The following NID2 variants were observed in gnomAD, a reference collection of about 807,000 sequenced individuals.
The protein encoded by NID2 is nidogen-2.
Under a neutral mutation model 145.4 loss-of-function variants are expected in NID2, and 83 were observed. The observed-to-expected ratio is 0.57, with a 90% CI of 0.48 to 0.69. The LOEUF (loss-of-function observed/expected upper bound fraction) is 0.69, where lower values mean the gene tolerates loss of function less well. Ranked by LOEUF, NID2 falls within the 30% of genes least tolerant of loss-of-function variation. NID2 has a pLI of 0.00. For missense variants in NID2, 1,807 were observed against 1,765.7 expected (o/e 1.02, Z -0.42); for synonymous variants, 739 against 701.3 (o/e 1.05, Z -0.85).
Position 52,014,336 on chromosome 14 carries a change from T to C in NID2, c.3371A>G (p.Asn1124Ser), listed in dbSNP as rs145451888. 4.1e-5 allele frequency: 66 copies of C among 1,614,076 alleles called. No individual in the cohort carries two copies. The African/African-American group carries it at 8.1e-4, about 20-fold the overall frequency. The change falls in exon 16 of 22, where the codon AAT becomes AGT. Residue 1124 changes from asparagine (N) to serine (S), a missense_variant. Transcript: ENST00000216286. ...QGQQIGYLPL[N>S]GTRLQKDAAK... ...TGCATCCTTCTGAAGCCTGGTGCCA[T>C]TGAGGGGTAAGTAGCCAATCTGCTG...
chr14:52,007,620 C>T (rs1890837254), intron 19 of NID2, 190 bp downstream of exon 19: 3 of 600,102 alleles, frequency 5.0e-6, no homozygotes, highest in Non-Finnish European at 8.8e-6. Context: ...TATATCCTTC[C>T]CTCCACCCAA....
At chr14:52,046,322 CAA>C (rs1555365268) in intron 5 of NID2, among the ~76,000 whole-genome samples, 7 of 31,988 alleles carry the variant, frequency 2.2e-4, no homozygotes, top group African/African-American at 7.2e-4. Flanking sequence ...GACTCCATCT[CAA>C]AAAAAAAAAA....
rs66551436 is a variant in NID2 at position 52,030,567 on chromosome 14, A to AGAAAGAAC, written c.2258-878_2258-877insGTTCTTTC. Among the ~76,000 whole-genome samples, 570 of 99,292 alleles carry AGAAAGAAC rather than the reference A, an allele frequency of 5.7e-3. 25 individuals carry two copies. The highest frequency in any genetic ancestry group is 0.019 in the African/African-American group (482 of 26,024). 65.1% of individuals were successfully genotyped at this position (99,292 alleles called of 152,430 possible). A position where few individuals can be genotyped will look rare whatever the true frequency, so the allele number is the denominator to read the frequency against. On this transcript the variant is annotated intron_variant, in intron 9 of 21. Transcript: ENST00000216286. ...AAGAAAGAAAGAAAGAAAGAAAGAA[A>AGAAAGAAC]GGAAGGAAGGGAAAGAAAGAAAGAA... is the stretch of plus-strand genomic sequence containing the variant.
chr14:52,022,655 T>C (rs1891443439), intron 12 of NID2, among the ~76,000 whole-genome samples: 1 of 152,188 alleles, frequency 6.6e-6, no homozygotes, highest in Non-Finnish European at 1.5e-5. Context: ...TAGCTTAATC[T>C]CAGTGCAATC....
chr14:52,051,423 A>G (rs1406318473), intron 5 of NID2, among the ~76,000 whole-genome samples: 2 of 152,212 alleles, frequency 1.3e-5, no homozygotes, highest in Non-Finnish European at 2.9e-5. Flanking sequence ...CCCAAACCAC[A>G]TAGCAGAGCT....
At chr14:52,008,214 C>T (rs1210725829) in intron 18 of NID2, 3 of 361,218 alleles carry the variant, frequency 8.3e-6, no homozygotes, top group East Asian at 5.0e-5. Context: ...CTCTTGCTCC[C>T]TTTGAGGGAA....
intron 2 of NID2, among the ~76,000 whole-genome samples, chr14:52,062,371 A>T (rs1371970449): frequency 1.3e-5 from 2 of 152,234 alleles, no homozygotes; most frequent in African/African-American, 4.8e-5. Context: ...CTTTTCCAAA[A>T]ACAAAAAGCA....
At chr14:52,017,877 G>A (rs1891270690) in intron 14 of NID2, among the ~76,000 whole-genome samples, 1 of 152,110 alleles carries the variant, frequency 6.6e-6, no homozygotes, top group African/African-American at 2.4e-5. Flanking sequence ...GGAGGGCAGT[G>A]GCATGATCTT....
rs1191682330 is a variant in NID2 at position 52,005,469 on chromosome 14, CCTTTA to C, written c.*12_*16del. On this transcript the variant is annotated 3_prime_UTR_variant, in exon 22 of 22. Transcript: ENST00000216286. ...GTTCTGATTGTAAACTCCAAGTCTT[CCTTTA>C]CATTACTGTACTTACTTTCTTCCTG... is the stretch of plus-strand genomic sequence containing the variant. 1 of 1,585,178 alleles carries C rather than the reference CCTTTA, an allele frequency of 6.3e-7. No individual in the cohort carries two copies. Among genetic ancestry groups the C allele is most frequent in the Admixed American group, 1.8e-5 (1 of 54,398 alleles).
At chr14:52,037,824 A>G (rs1005273284) in intron 9 of NID2, among the ~76,000 whole-genome samples, 8 of 152,202 alleles carry the variant, frequency 5.3e-5, no homozygotes, top group African/African-American at 1.9e-4. Context: ...TTTTTTTCCA[A>G]AAATGTTTTG....
intron 17 of NID2, 46 bp downstream of exon 17, chr14:52,011,508 T>C: frequency 6.2e-7 from 1 of 1,612,026 alleles, no homozygotes; most frequent in Non-Finnish European, 8.5e-7. Flanking sequence ...GACAAGTGAC[T>C]TTGTAGAATC....
intron 5 of NID2, among the ~76,000 whole-genome samples, chr14:52,052,351 G>A (rs1892706801): frequency 6.6e-6 from 1 of 152,102 alleles, no homozygotes; most frequent in Non-Finnish European, 1.5e-5. Flanking sequence ...TCTAAAATTA[G>A]TAACAGCAGC....
At chr14:52,055,102 T>G (rs1180968969) in intron 3 of NID2, among the ~76,000 whole-genome samples, 1 of 152,228 alleles carries the variant, frequency 6.6e-6, no homozygotes, top group Non-Finnish European at 1.5e-5. Context: ...GCCAAGTGTT[T>G]CACATTCTTC....
chr14:52,045,573 C>A lies in NID2; in HGVS notation c.1430-2642G>T, dbSNP rs904706772. On this transcript the variant is annotated intron_variant, in intron 5 of 21. Transcript: ENST00000216286. ...AGGCAGAAAAAAAAAAAAAAAAAAC[C>A]CAGGATGGATCATGGTAAAATAGAT... Among the ~76,000 whole-genome samples, 5 of 144,860 alleles carry A rather than the reference C, an allele frequency of 3.5e-5. No individual in the cohort carries two copies. The East Asian group carries it at 8.0e-4, about 23-fold the overall frequency.
chr14:52,006,066 CAG>C (rs1594993085), intron 20 of NID2: 1 of 543,876 alleles, frequency 1.8e-6, no homozygotes, highest in Non-Finnish European at 3.3e-6. Flanking sequence ...GCTATCAAAT[CAG>C]AGTTGTAGGG....
chr14:52,065,984 T>C (rs1893192483), intron 2 of NID2, among the ~76,000 whole-genome samples: 2 of 151,034 alleles, frequency 1.3e-5, no homozygotes, highest in Non-Finnish European at 2.9e-5. Context: ...TGTGTCTTTA[T>C]AGCAGCATGA....
intron 5 of NID2, among the ~76,000 whole-genome samples, chr14:52,046,879 AAAG>A (rs373715066): frequency 2.0e-5 from 3 of 152,208 alleles, no homozygotes; most frequent in Non-Finnish European, 2.9e-5. Context: ...CACATGAAGG[AAAG>A]AAGATGGATC....
intron 12 of NID2, among the ~76,000 whole-genome samples, chr14:52,026,928 C>A (rs970852060): frequency 1.3e-5 from 2 of 152,222 alleles, no homozygotes; most frequent in African/African-American, 4.8e-5. Flanking sequence ...CTCCAGCCTG[C>A]GCTGGCTCCA....
chr14:52,045,226 T>A (rs1230674369), intron 5 of NID2, among the ~76,000 whole-genome samples: 1 of 152,158 alleles, frequency 6.6e-6, no homozygotes, highest in Non-Finnish European at 1.5e-5. Context: ...AGATGACTAT[T>A]ACAGCATGTT....
Sources: allele counts gnomAD v4.1 joint callset (sites outside exome capture counted in the v4.1 genomes callset), GRCh38; gene constraint gnomAD v4.1.1; transcripts MANE v1.5; gene names NCBI Gene and HGNC (gene_info 2026-07-23, HGNC 2026-07-21).